Variants in SLTM observed in about 807,000 individuals in gnomAD.
SLTM encodes SAFB-like transcription modulator.
SLTM carries 43 observed loss-of-function variants against 134.6 expected under a neutral mutation model. That is an observed-to-expected ratio of 0.32 (90% CI 0.25 to 0.41). The LOEUF (loss-of-function observed/expected upper bound fraction) is 0.41, where lower values mean the gene tolerates loss of function less well. Ranked by LOEUF, SLTM falls within the 10% of genes least tolerant of loss-of-function variation. The probability of loss-of-function intolerance (pLI) is 1.00; values close to 1 mark genes in which losing one functional copy is unlikely to be tolerated. For synonymous variants in SLTM, 424 were observed against 432.3 expected (o/e 0.98, Z 0.24); for missense variants, 1,055 against 1,288.8 (o/e 0.82, Z 2.78).
At chr15:58,931,575 C>T (rs2037883489) in intron 2 of SLTM, among the ~76,000 whole-genome samples, 1 of 152,170 alleles carries the variant, frequency 6.6e-6, no homozygotes, top group South Asian at 2.1e-4. Context: ...ATCATGTCCA[C>T]CCTCTGCCAC....
At chr15:58,896,967 C>A in intron 9 of SLTM, 148 bp downstream of exon 9, 1 of 538,634 alleles carries the variant, frequency 1.9e-6, no homozygotes, top group Non-Finnish European at 3.4e-6. Flanking sequence ...TCTCATCTAC[C>A]ATTACCACAG....
chr15:58,917,269 C>T (rs1435496177), intron 2 of SLTM, among the ~76,000 whole-genome samples: 2 of 152,208 alleles, frequency 1.3e-5, no homozygotes, highest in Non-Finnish European at 2.9e-5. Context: ...TTTTTCTTTA[C>T]ACCAGTTGAA....
chr15:58,887,612 C>G, intron 17 of SLTM, 72 bp from the exon 18 acceptor site: 2 of 1,522,566 alleles, frequency 1.3e-6, no homozygotes, highest in Non-Finnish European at 1.8e-6. Context: ...TTAACTTTGT[C>G]TGCATAACCT....
chr15:58,889,944 A>C (rs2034527854), intron 15 of SLTM: 1 of 366,214 alleles, frequency 2.7e-6, no homozygotes, highest in Non-Finnish European at 4.9e-6. Context: ...AATCATTCCC[A>C]CTATAATATG....
chr15:58,921,103 G>C (rs1244972409), intron 2 of SLTM, among the ~76,000 whole-genome samples: 10 of 152,142 alleles, frequency 6.6e-5, no homozygotes, highest in African/African-American at 2.4e-4. Context: ...TTACACTTCA[G>C]CAACAAAAAC....
Position 58,890,450 on chromosome 15 carries a change from A to C in SLTM, c.1910T>G (p.Ile637Ser). ...TCGCTCTCGACGCTCTCTCTCTGCA[A>C]TCTCTCTTCGTCTACCAAAAATCAG... ...RAMELRRRREIAERERRERER... is the reference protein window; with the variant it reads ...RAMELRRRRESAERERRERER... Residue 637 changes from isoleucine to serine, a missense_variant, in exon 15 of 21, where the codon ATT becomes AGT. Physicochemically the swap from Ile to Ser is moderately radical, Grantham distance 142. This residue lies in a region of SLTM where 776 missense variants were observed against 962.2 expected (regional missense o/e 0.81). Transcript: ENST00000380516. The C allele has an allele frequency of 1.9e-6, 3 of 1,613,598 alleles. No homozygotes were observed. Among genetic ancestry groups the C allele is most frequent in the Non-Finnish European group, 2.5e-6 (3 of 1,179,944 alleles).
chr15:58,929,169 T>C (rs1361030859), intron 2 of SLTM, among the ~76,000 whole-genome samples: 1 of 152,158 alleles, frequency 6.6e-6, no homozygotes, highest in African/African-American at 2.4e-5. Flanking sequence ...AGCAACTTGA[T>C]TGAAAAACTG....
chr15:58,886,224 T>A lies in SLTM; in HGVS notation c.2835+751A>T, dbSNP rs1468977753. ...GAAGCAGGAGAAAAAGAAGAGTGTGTGTGTGTGTGTGTGTGTGTGTGTGTG... is the reference window on the plus strand; with the variant it reads ...GAAGCAGGAGAAAAAGAAGAGTGTGAGTGTGTGTGTGTGTGTGTGTGTGTG... On this transcript the variant is annotated intron_variant, in intron 19 of 20. Coordinates refer to ENST00000380516, the MANE Select transcript of SLTM (RefSeq NM_024755.4). Among the ~76,000 whole-genome samples the A allele has an allele frequency of 5.9e-3, 404 of 68,532 alleles. 1 individual carries two copies. Among genetic ancestry groups the A allele is most frequent in the African/African-American group, 0.031 (391 of 12,764 alleles). 45.0% of individuals were successfully genotyped at this position (68,532 alleles called of 152,430 possible). A position where few individuals can be genotyped will look rare whatever the true frequency, so the allele number is the denominator to read the frequency against.
intron 2 of SLTM, among the ~76,000 whole-genome samples, chr15:58,920,659 AAAT>A (rs1481794417): frequency 1.3e-5 from 2 of 150,422 alleles, no homozygotes; most frequent in Non-Finnish European, 3.0e-5. Context: ...ATAAATAAAT[AAAT>A]AAAAATTTTT....
At chr15:58,916,866 G>A in intron 3 of SLTM, 69 bp downstream of exon 3, 1 of 1,401,286 alleles carries the variant, frequency 7.1e-7, no homozygotes, top group South Asian at 1.2e-5. Context: ...TCAACAAAAA[G>A]CACAAAATTC....
chr15:58,933,650 C>T lies in SLTM; in HGVS notation c.-85G>A, dbSNP rs2038067664. 2 of 1,373,542 alleles carry T rather than the reference C, an allele frequency of 1.5e-6. No homozygotes were observed. The highest frequency in any genetic ancestry group is 3.8e-5 in the Admixed American group (1 of 26,190). 85.1% of individuals were successfully genotyped at this position (1,373,542 alleles called of 1,614,324 possible). On this transcript the variant is annotated 5_prime_UTR_variant, in exon 1 of 21. Transcript: ENST00000380516. ...CCAACTTCCACCCAGGCCTCGGCGG[C>T]CGCCGGCGCCGCGCAGCGCTGCGCA...
At position 58,899,479 on chromosome 15, in the gene SLTM, G is replaced by T; in HGVS notation, c.1048C>A (p.Gln350Lys). The T allele has an allele frequency of 1.2e-6, 2 of 1,613,608 alleles. No individual in the cohort carries two copies. Among genetic ancestry groups the T allele is most frequent in the South Asian group, 2.2e-5 (2 of 90,996 alleles). ...KGPSSTGASG[Q>K]AKSSSKESKD... ...CATAGAAAAACAAACCTCTTTGCTT[G>T]ACCAGAGGCCCCAGTAGACGAGGGC... The change falls in exon 7 of 21, where the codon CAA becomes AAA. Residue 350 changes from glutamine to lysine, a missense_variant. By Grantham distance (53) the Gln-to-Lys change is moderately conservative. Coordinates refer to ENST00000380516, the MANE Select transcript of SLTM (RefSeq NM_024755.4). The surrounding 1 kb of genome is among the most constrained non-coding windows in gnomAD (Gnocchi z 5.0).
At chr15:58,885,942 T>C (rs1488500051) in intron 19 of SLTM, among the ~76,000 whole-genome samples, 1 of 152,160 alleles carries the variant, frequency 6.6e-6, no homozygotes, top group African/African-American at 2.4e-5. Flanking sequence ...TGTGCTACTA[T>C]CAACCCACAC....
intron 2 of SLTM, among the ~76,000 whole-genome samples, chr15:58,918,165 TA>T (rs1427931577): frequency 1.3e-5 from 2 of 152,024 alleles, no homozygotes; most frequent in Non-Finnish European, 2.9e-5. Context: ...AAATCCTACT[TA>T]AAAATCCTTA....
chr15:58,932,117 T>C (rs1357804353), intron 2 of SLTM: 1 of 398,560 alleles, frequency 2.5e-6, no homozygotes, highest in Non-Finnish European at 4.7e-6. Flanking sequence ...GACTTTGTAA[T>C]TTTTTCCGGA....
intron 8 of SLTM, chr15:58,898,567 T>G: frequency 2.5e-6 from 1 of 404,718 alleles, no homozygotes; most frequent in Non-Finnish European, 4.4e-6. Context: ...AAGTGTTCCC[T>G]AGCTAATGGG....
intron 2 of SLTM, among the ~76,000 whole-genome samples, chr15:58,923,132 A>G (rs2037214092): frequency 6.6e-6 from 1 of 152,096 alleles, no homozygotes; most frequent in African/African-American, 2.4e-5. Context: ...CCAAGGCAGG[A>G]GGATTAACTG....
At chr15:58,882,523 A>T (rs1282298762) in intron 20 of SLTM, among the ~76,000 whole-genome samples, 1 of 146,884 alleles carries the variant, frequency 6.8e-6, no homozygotes, top group Non-Finnish European at 1.6e-5. Context: ...CCTCAAAATA[A>T]AGATAAGTGA....
intron 1 of SLTM, 75 bp from the exon 2 acceptor site, chr15:58,932,518 T>G (rs1174930810): frequency 1.8e-6 from 2 of 1,135,166 alleles, no homozygotes. Context: ...TGAAAAAAAA[T>G]TTAGCAAACC....
Sources: gnomAD v4.1 joint callset for allele counts (sites outside exome capture counted in the v4.1 genomes callset) on GRCh38, gnomAD v4.1.1 for gene constraint, gnomAD v4.1.1 regional missense constraint, Gnocchi (gnomAD v3.1) non-coding constraint, MANE v1.5 for transcripts, NCBI Gene and HGNC (gene_info 2026-07-23, HGNC 2026-07-21) for gene names.